EPB41: variants seen among roughly 807,000 people sequenced by gnomAD.
The protein encoded by EPB41 is erythrocyte membrane protein band 4.1, also known as protein 4.1.
EPB41 carries 65 observed loss-of-function variants against 108.0 expected under a neutral mutation model. The ratio of observed to expected loss-of-function variants is 0.60; its 90% confidence interval spans 0.49 to 0.74. The LOEUF is 0.74. Among genes scored for constraint, EPB41 ranks in the 30% least tolerant of loss-of-function variants. The pLI is 0.00. For synonymous variants in EPB41, 336 were observed against 358.9 expected (o/e 0.94, Z 0.72); for missense variants, 875 against 1,037.0 (o/e 0.84, Z 2.15).
chr1:29,023,174 T>C (rs868206908), intron 7 of EPB41, among the ~76,000 whole-genome samples: 14 of 151,686 alleles, frequency 9.2e-5, no homozygotes, highest in Admixed American at 2.6e-4. Flanking sequence ...TTTGTATTTT[T>C]AGCAGAGACA....
intron 17 of EPB41, 46 bp downstream of exon 17, chr1:29,097,981 T>C (rs1203686492): frequency 6.2e-7 from 1 of 1,613,162 alleles, no homozygotes; most frequent in Non-Finnish European, 8.5e-7. Flanking sequence ...GCAAACAAAA[T>C]TAATAACCTT....
chr1:28,913,243 T>C (rs1304635173), upstream of EPB41, among the ~76,000 whole-genome samples: 1 of 151,904 alleles, frequency 6.6e-6, no homozygotes, highest in Non-Finnish European at 1.5e-5. Context: ...GGTCAGGAGA[T>C]CGAGACTAAC....
At chr1:29,087,059 C>T (rs890050926) in intron 16 of EPB41, among the ~76,000 whole-genome samples, 1 of 150,910 alleles carries the variant, frequency 6.6e-6, no homozygotes, top group South Asian at 2.1e-4. Flanking sequence ...ATTCTCCTGC[C>T]TCAGCCTGAG....
chr1:28,912,038 C>T (rs1012843332), upstream of EPB41, among the ~76,000 whole-genome samples: 1 of 152,090 alleles, frequency 6.6e-6, no homozygotes, highest in African/African-American at 2.4e-5. Flanking sequence ...AAGAGCGAAA[C>T]CCCTTCTCAA....
intron 7 of EPB41, among the ~76,000 whole-genome samples, chr1:29,026,379 G>A (rs534850351): frequency 6.6e-6 from 1 of 152,104 alleles, no homozygotes; most frequent in Admixed American, 6.5e-5. Context: ...TATATAGATA[G>A]GTAGATATAG....
intron 1 of EPB41, among the ~76,000 whole-genome samples, chr1:28,933,103 T>A (rs1018899702): frequency 2.0e-5 from 3 of 152,206 alleles, no homozygotes; most frequent in Non-Finnish European, 4.4e-5. Flanking sequence ...TATGTATTTT[T>A]TTCTTTAACA....
At chr1:28,897,577 G>A (rs796646510) in intron 1 of EPB41, among the ~76,000 whole-genome samples, 32 of 132,868 alleles carry the variant, frequency 2.4e-4, no homozygotes, top group African/African-American at 9.1e-4. Flanking sequence ...AGGAAGGGAA[G>A]GGAAGCGGAG....
At chr1:29,099,506 C>T (rs941008234) in intron 17 of EPB41, among the ~76,000 whole-genome samples, 28 of 151,966 alleles carry the variant, frequency 1.8e-4, no homozygotes, top group Admixed American at 1.5e-3. Flanking sequence ...TTTGTAGTGA[C>T]GATATTTTAC....
intron 1 of EPB41, among the ~76,000 whole-genome samples, chr1:28,977,026 T>C (rs1486159016): frequency 6.6e-6 from 1 of 152,138 alleles, no homozygotes; most frequent in Non-Finnish European, 1.5e-5. Context: ...CTAATTGTTG[T>C]ATTTTTAGTA....
chr1:28,937,506 T>C lies in EPB41; in HGVS notation c.-8+22738T>C, dbSNP rs1165550364. 4.6e-5 allele frequency among the ~76,000 whole-genome samples: 7 copies of C among 152,310 alleles called. No homozygotes were observed. The East Asian group carries it at 5.8e-4, about 13-fold the overall frequency. ...GCCTCACAGGCTCAAGTGATTCTCC[T>C]GCCTCATCCTCCCAAGTAGATGGGA... On this transcript the variant is annotated intron_variant, in intron 1 of 20. Coordinates refer to ENST00000343067, the MANE Select transcript of EPB41 (RefSeq NM_001376013.1).
At chr1:28,904,874 C>CA (rs1360516578) in intron 1 of EPB41, among the ~76,000 whole-genome samples, 1 of 151,680 alleles carries the variant, frequency 6.6e-6, no homozygotes, top group Admixed American at 6.6e-5. Flanking sequence ...TCTAAAAATA[C>CA]AAAAAAATTA....
At chr1:28,999,000 T>C (rs1303100409) in intron 4 of EPB41, among the ~76,000 whole-genome samples, 1 of 152,216 alleles carries the variant, frequency 6.6e-6, no homozygotes, top group Non-Finnish European at 1.5e-5. Context: ...TAAGGGAACA[T>C]TGAAGTTAAT....
chr1:29,109,903 A>G (rs937650020), intron 18 of EPB41, among the ~76,000 whole-genome samples: 1 of 152,170 alleles, frequency 6.6e-6, no homozygotes, highest in Non-Finnish European at 1.5e-5. Context: ...GTGTGGCGGC[A>G]TACACCTGTA....
chr1:28,990,320 C>A, intron 2 of EPB41, among the ~76,000 whole-genome samples: 1 of 133,570 alleles, frequency 7.5e-6, no homozygotes. Flanking sequence ...TCCTTCCTTC[C>A]TTCCTTCCTT....
intron 12 of EPB41, 88 bp downstream of exon 12, chr1:29,053,400 C>T: frequency 7.4e-7 from 1 of 1,351,400 alleles, no homozygotes; most frequent in Non-Finnish European, 1.0e-6. Flanking sequence ...AAAGCAATTG[C>T]TTATTCTCAT....
At chr1:29,099,004 T>C (rs1664273171) in intron 17 of EPB41, among the ~76,000 whole-genome samples, 1 of 150,280 alleles carries the variant, frequency 6.7e-6, no homozygotes, top group Non-Finnish European at 1.5e-5. Context: ...GGATTATAGT[T>C]CTTTTTAGGA....
intron 1 of EPB41, among the ~76,000 whole-genome samples, chr1:28,929,059 G>A (rs1216836798): frequency 6.6e-6 from 1 of 151,972 alleles, no homozygotes; most frequent in Admixed American, 6.6e-5. Context: ...TAGAACTGCC[G>A]AAATGATCAG....
At chr1:29,030,692 C>T (rs2096777383) in intron 8 of EPB41, among the ~76,000 whole-genome samples, 1 of 151,932 alleles carries the variant, frequency 6.6e-6, no homozygotes, top group Admixed American at 6.6e-5. Flanking sequence ...GGGAGGATCA[C>T]TTGAGTCCAG....
At position 28,887,631 on chromosome 1, in the gene EPB41, C is replaced by T. The variant is rs1031267859; in HGVS notation, c.-8+421C>T. 4.1e-6 allele frequency: 4 copies of T among 985,218 alleles called. No homozygotes were observed. Among genetic ancestry groups the T allele is most frequent in the East Asian group, 1.1e-4 (1 of 8,782 alleles). The allele number at this position is 985,218 out of a possible 1,614,324, so 61.0% of individuals were successfully genotyped here. A position where few individuals can be genotyped will look rare whatever the true frequency, so the allele number is the denominator to read the frequency against. On this transcript the variant is annotated intron_variant, in intron 1 of 16. Transcript: ENST00000347529. This position sits in a 1 kb window ranked among gnomAD's most constrained non-coding sequence, Gnocchi z 4.9. Reference sequence around the variant, plus strand: ...TGCCGGGCCCGCAGCAGCGCTGGAGCGGGCTGGCGGCTAGCAGCGGGAGGG... The same window carrying T: ...TGCCGGGCCCGCAGCAGCGCTGGAGTGGGCTGGCGGCTAGCAGCGGGAGGG...
Sources: allele counts gnomAD v4.1 joint callset (sites outside exome capture counted in the v4.1 genomes callset), GRCh38; gene constraint gnomAD v4.1.1; non-coding constraint Gnocchi (gnomAD v3.1); transcripts MANE v1.5; gene names NCBI Gene and HGNC (gene_info 2026-07-23, HGNC 2026-07-21).